Variants in PNCK observed in about 807,000 individuals in gnomAD.
PNCK encodes the protein pregnancy up-regulated nonubiquitous CaM kinase, also known as calcium/calmodulin-dependent protein kinase type 1B.
PNCK carries 21 observed loss-of-function variants against 28.3 expected under a neutral mutation model. The ratio of observed to expected loss-of-function variants is 0.74; its 90% CI spans 0.53 to 1.07. PNCK has a LOEUF of 1.07. Ranked by LOEUF, PNCK falls within the 50% of genes least tolerant of loss-of-function variation. The probability of loss-of-function intolerance (pLI) is 0.00; values close to 1 mark genes in which losing one functional copy is unlikely to be tolerated. For synonymous variants in PNCK, 136 were observed against 125.2 expected, an observed-to-expected ratio of 1.09 and a Z score of -0.58; for missense variants, 250 against 298.3, an observed-to-expected ratio of 0.84 and a Z score of 1.19.
At position 153,671,881 on chromosome X, in the gene PNCK, T is replaced by C; in HGVS notation, c.413A>G (p.Lys138Arg). The C allele has an allele frequency of 8.3e-7, 1 of 1,207,594 alleles. No homozygotes were observed. Among genetic ancestry groups the C allele is most frequent in the Non-Finnish European group, 1.1e-6 (1 of 894,152 alleles). The change falls in exon 5 of 12, where the codon AAG becomes AGG. Residue 138 changes from lysine (K) to arginine (R), a missense_variant and splice_region_variant. Physicochemically the swap from Lys to Arg is conservative, Grantham distance 26 (BLOSUM62 2). Transcript: ENST00000340888. ...GGTGCAGAGGCCCCAGCCAGGCACC[T>C]TGAGGTCCCGGTGCACGATCCCCAG... ...HSLGIVHRDL[K>R]PENLLYATPF...
At chrX:153,686,086 T>G (rs781846270) in intron 1 of PNCK, among the ~76,000 whole-genome samples, 18 of 112,189 alleles carry the variant, frequency 1.6e-4, no homozygotes, top group African/African-American at 5.8e-4. Flanking sequence ...GCAGCCATTC[T>G]GGACAGCCCC....
chrX:153,671,360 G>A lies in PNCK; in HGVS notation c.539C>T (p.Ala180Val). 8.3e-7 allele frequency: 1 copy of A among 1,212,077 alleles called. No individual in the cohort carries two copies. The highest frequency in any genetic ancestry group is 3.0e-5 in the East Asian group (1 of 33,839). Residue 180 changes from alanine (A) to valine (V), a missense_variant and splice_region_variant, in exon 7 of 12, where the codon GCC (alanine) becomes GTC (valine). Transcript: ENST00000340888. ...GGGTTTCTGCTCCAAGAGCTCTGGG[G>A]CTGGGGGCCAGAGACAGACAGACGC... ...GTACGTPGYV[A>V]PELLEQKPYG...
intron 11 of PNCK, 74 bp from the exon 12 acceptor site, chrX:153,670,204 T>G (rs2091276001): frequency 2.4e-6 from 1 of 418,413 alleles, no homozygotes; most frequent in Middle Eastern, 6.7e-4. Context: ...ACCCCCCGCC[T>G]CGGTCAAATC....
At chrX:153,686,008 G>A (rs925250084) in intron 1 of PNCK, among the ~76,000 whole-genome samples, 1 of 112,243 alleles carries the variant, frequency 8.9e-6, no homozygotes, top group Non-Finnish European at 1.9e-5. Context: ...GTGGGAGTCA[G>A]GTATGGGGGC....
chrX:153,683,928 C>T (rs1304132012), intron 1 of PNCK, among the ~76,000 whole-genome samples: 1 of 111,988 alleles, frequency 8.9e-6, no homozygotes, highest in Non-Finnish European at 1.9e-5. Context: ...ACAATAGTGA[C>T]ATTATCTACA....
At chrX:153,670,869 A>T in intron 9 of PNCK, 38 bp from the exon 10 acceptor site, 1 of 1,210,984 alleles carries the variant, frequency 8.3e-7, no homozygotes, top group Non-Finnish European at 1.1e-6. Flanking sequence ...GTCTCTCTGC[A>T]AATGCAGGCC....
At chrX:153,673,994 C>T (rs1411805079), upstream of PNCK, 2 of 1,164,219 alleles carry the variant, frequency 1.7e-6, no homozygotes, top group Non-Finnish European at 2.3e-6. Context: ...ACTGCTCGCT[C>T]GCGCCGCCTC....
At chrX:153,674,781 C>T (rs1182671794), upstream of PNCK, 1 of 112,481 alleles carries the variant, frequency 8.9e-6, no homozygotes, top group Non-Finnish European at 1.9e-5. Flanking sequence ...TGCTCGCCAT[C>T]CAGTCCCATG....
chrX:153,677,939 TATAG>T (rs782119843), upstream of PNCK, among the ~76,000 whole-genome samples: 18 of 107,107 alleles, frequency 1.7e-4, no homozygotes, highest in Admixed American at 4.1e-4. Context: ...CCCATGTACA[TATAG>T]ATAGATAGAT....
upstream of PNCK, chrX:153,673,920 G>T: frequency 1.0e-6 from 1 of 978,328 alleles, no homozygotes; most frequent in Non-Finnish European, 1.3e-6. Context: ...CCGCGGCGCC[G>T]CAGGGCACCT....
rs2091345048 is a variant in PNCK at position 153,673,812 on chromosome X, G to T, written c.-35C>A. On this transcript the variant is annotated 5_prime_UTR_variant, in exon 1 of 12. In the 5' UTR this introduces an upstream ATG that the reference lacks. Coordinates refer to ENST00000340888, the MANE Select transcript of PNCK (RefSeq NM_001366977.1). ...GGGTGCCGCAGCGTCGTGCCGCGCA[G>T]TGGCCGCAGCGCCAAGCCCCCCGCC... 1.3e-6 allele frequency: 1 copy of T among 749,114 alleles called. No individual in the cohort carries two copies. The highest frequency in any genetic ancestry group is 1.6e-6 in the Non-Finnish European group (1 of 636,985). 61.7% of individuals were successfully genotyped at this position (749,114 alleles called of 1,213,427 possible).
intron 5 of PNCK, 71 bp downstream of exon 5, chrX:153,671,809 C>A: frequency 8.4e-7 from 1 of 1,184,198 alleles, no homozygotes; most frequent in Non-Finnish European, 1.1e-6. Context: ...CCCAGCCGTG[C>A]TCCCGGGAAA....
chrX:153,684,354 T>G (rs2091407972), intron 1 of PNCK, among the ~76,000 whole-genome samples: 1 of 112,315 alleles, frequency 8.9e-6, no homozygotes. Context: ...AAAGTTTACA[T>G]AAAATGTAAA....
chrX:153,670,821 C>T lies in PNCK; in HGVS notation c.817G>A (p.Asp273Asn). ...AAGATGTCCCTGTCGAAGGCTGTGTCCCCAGAGATCCTGGGGAAAGGCTGA... is the reference window on the plus strand; with the variant it reads ...AAGATGTCCCTGTCGAAGGCTGTGTTCCCAGAGATCCTGGGGAAAGGCTGA... The part of the protein sequence containing the change: ...QALRHLWISG[D>N]TAFDRDILGS... The change falls in exon 10 of 12, where the codon GAC (aspartate) becomes AAC (asparagine). Residue 273 changes from aspartate (D) to asparagine (N), a missense_variant. By Grantham distance (23) the Asp-to-Asn change is conservative. Coordinates refer to ENST00000340888, the MANE Select transcript of PNCK (RefSeq NM_001366977.1). 8.3e-7 allele frequency: 1 copy of T among 1,211,094 alleles called. No individual in the cohort carries two copies. Among genetic ancestry groups the T allele is most frequent in the South Asian group, 1.8e-5 (1 of 56,960 alleles).
chrX:153,675,529 GTTA>G (rs782365773), upstream of PNCK, among the ~76,000 whole-genome samples: 16 of 110,563 alleles, frequency 1.4e-4, no homozygotes, highest in East Asian at 4.6e-3. Flanking sequence ...TTTTTGGTTT[GTTA>G]TTGTTGTTGT....
upstream of PNCK, among the ~76,000 whole-genome samples, chrX:153,676,412 G>A (rs974335740): frequency 3.6e-5 from 4 of 112,125 alleles, no homozygotes; most frequent in Admixed American, 3.8e-4. Context: ...GTTAGATTGT[G>A]AGGTCTGGCT....
At position 153,683,144 on chromosome X, in the gene PNCK, A is replaced by T. The variant is rs180845452; in HGVS notation, c.-3+4287T>A. On this transcript the variant is annotated intron_variant, in intron 1 of 3. Transcript: ENST00000419804. ...TTTGAAGGCTGGGATTTATTTATTT[A>T]TTTTTTATTTTTTTGAGATGGAGTC... Among the ~76,000 whole-genome samples, 105 of 111,927 alleles carry T rather than the reference A, an allele frequency of 9.4e-4. No homozygotes were observed. In the East Asian group the frequency reaches 0.018, roughly 19 times the overall value.
chrX:153,670,627 G>GGGCCCA, intron 10 of PNCK, 33 bp from the exon 11 acceptor site: 1 of 1,200,722 alleles, frequency 8.3e-7, no homozygotes, highest in Non-Finnish European at 1.1e-6. Flanking sequence ...GGCCAGGCCT[G>GGGCCCA]GGCCCAGGCC....
rs56246355 is a variant in PNCK, at chrX:153,670,532, G to A, written c.957C>T (p.Gly319=). ...CCATGCCCTGCTCAGAGGCCCCCTC[G>A]CCCTCTGGGATCTGCCCCAGCTTCC... The part of the protein sequence containing the change: ...HIRKLGQIPE[G]EGASEQGMAR... The change falls in exon 11 of 12, where the codon GGC becomes GGT. Residue 319 remains glycine (G), a synonymous_variant. Coordinates refer to ENST00000340888, the MANE Select transcript of PNCK (RefSeq NM_001366977.1). 8,006 of 1,209,258 alleles carry A rather than the reference G, an allele frequency of 6.6e-3. 23 individuals carry two copies. The highest frequency in any genetic ancestry group is 8.2e-3 in the Non-Finnish European group (7,319 of 894,812).
Sources: gnomAD v4.1 joint callset for allele counts (sites outside exome capture counted in the v4.1 genomes callset) on GRCh38, gnomAD v4.1.1 for gene constraint, MANE v1.5 for transcripts, NCBI Gene and HGNC (gene_info 2026-07-23, HGNC 2026-07-21) for gene names.